The following FLOT2 variants were observed in gnomAD, a reference collection of about 807,000 sequenced individuals.
The protein encoded by FLOT2 is flotillin-2.
Under a neutral mutation model 54.9 loss-of-function variants are expected in FLOT2, and 35 were observed. The ratio of observed to expected loss-of-function variants is 0.64; its 90% confidence interval spans 0.49 to 0.84. FLOT2 has a LOEUF of 0.84. FLOT2 is among the 40% of genes least tolerant of loss of function. FLOT2 has a pLI of 0.00. For missense variants in FLOT2, 464 were observed against 572.1 expected (o/e 0.81, Z 1.93); for synonymous variants, 207 against 228.9 (o/e 0.90, Z 0.86).
chr17:28,881,879 G>C lies in FLOT2; in HGVS notation c.849C>G (p.Ile283Met). 1 of 1,613,672 alleles carries C rather than the reference G, an allele frequency of 6.2e-7. No individual in the cohort carries two copies. Among genetic ancestry groups the C allele is most frequent in the Non-Finnish European group, 8.5e-7 (1 of 1,180,042 alleles). The change falls in exon 8 of 11, where the codon ATC becomes ATG. Residue 283 changes from isoleucine to methionine, a missense_variant. Coordinates refer to ENST00000394908, the MANE Select transcript of FLOT2 (RefSeq NM_004475.3). ...QEILRTDKEL[I>M]ATVRRPAEAE... ...CCTCGGCAGGCCGGCGCACTGTAGC[G>C]ATGAGCTCCTTGTCCGTACGCAGGA...
intron 2 of FLOT2, among the ~76,000 whole-genome samples, chr17:28,887,356 T>C (rs1024869070): frequency 1.3e-5 from 2 of 152,146 alleles, no homozygotes; most frequent in African/African-American, 4.8e-5. Flanking sequence ...CCAAGCAGGC[T>C]AGGGACTAGG....
intron 8 of FLOT2, 135 bp downstream of exon 8, chr17:28,881,679 C>T: frequency 4.9e-6 from 4 of 809,570 alleles, no homozygotes. Context: ...GGGTTATCCT[C>T]ACTTCACAGT....
intron 1 of FLOT2, among the ~76,000 whole-genome samples, chr17:28,889,277 T>C (rs909974635): frequency 6.6e-6 from 1 of 151,964 alleles, no homozygotes; most frequent in Non-Finnish European, 1.5e-5. Context: ...AGAATGTAAG[T>C]GCTTCCAGAG....
At chr17:28,893,532 C>T (rs2039688896) in intron 1 of FLOT2, among the ~76,000 whole-genome samples, 1 of 152,070 alleles carries the variant, frequency 6.6e-6, no homozygotes. Flanking sequence ...CAGCCTCAGC[C>T]TTCCATACAT....
At position 28,882,499 on chromosome 17, in the gene FLOT2, C is replaced by T; in HGVS notation, c.466-49G>A. On this transcript the variant is annotated intron_variant, in intron 5 of 10. Transcript: ENST00000394908. This position sits in a 1 kb window ranked among gnomAD's most constrained non-coding sequence, Gnocchi z 5.6. ...AGGCTCAAAGGAGCAGCCAGAGGCACAAAGGTGCCCCTCTAACAAAGCCAC... is the reference window on the plus strand; with the variant it reads ...AGGCTCAAAGGAGCAGCCAGAGGCATAAAGGTGCCCCTCTAACAAAGCCAC... 6.3e-7 allele frequency: 1 copy of T among 1,594,584 alleles called. No homozygotes were observed. The highest frequency in any genetic ancestry group is 8.6e-7 in the Non-Finnish European group (1 of 1,162,394).
Position 28,882,653 on chromosome 17 carries a change from G to T in FLOT2, c.385C>A (p.Gln129Lys). Residue 129 changes from glutamine (Q) to lysine (K), a missense_variant, in exon 5 of 11, where the codon CAG becomes AAG. By Grantham distance (53) the Gln-to-Lys change is moderately conservative. Coordinates refer to ENST00000394908, the MANE Select transcript of FLOT2 (RefSeq NM_004475.3). This position sits in a 1 kb window ranked among gnomAD's most constrained non-coding sequence, Gnocchi z 5.6. ...TVEQIYQDRDQFAKLVREVAA... is the reference protein window; with the variant it reads ...TVEQIYQDRDKFAKLVREVAA... ...ACCTCCCGCACCAGCTTGGCAAACT[G>T]GTCCCGGTCCTGATAAATCTGCTCC... The T allele has an allele frequency of 1.9e-6, 3 of 1,613,676 alleles. No individual in the cohort carries two copies. Among genetic ancestry groups the T allele is most frequent in the Non-Finnish European group, 2.5e-6 (3 of 1,179,870 alleles).
At chr17:28,888,796 TC>T (rs1351261213) in intron 2 of FLOT2, 148 bp downstream of exon 2, 11 of 428,306 alleles carry the variant, frequency 2.6e-5, no homozygotes, top group South Asian at 5.8e-5. Flanking sequence ...TCTTAGGAAG[TC>T]CCCCCCAACC....
In FLOT2 at chr17:28,882,027, G is replaced by A. The variant is rs1398212494; in HGVS notation, c.701C>T (p.Thr234Ile). The A allele has an allele frequency of 1.2e-6, 2 of 1,614,174 alleles. No homozygotes were observed. Among genetic ancestry groups the A allele is most frequent in the Admixed American group, 1.7e-5 (1 of 60,036 alleles). Residue 234 changes from threonine (T) to isoleucine (I), a missense_variant and splice_region_variant, in exon 8 of 11, where the codon ACA becomes ATA. Thr to Ile is a moderately conservative substitution (Grantham distance 89). Transcript: ENST00000394908. The surrounding 1 kb of genome is among the most constrained non-coding windows in gnomAD (Gnocchi z 5.6). The stretch of plus-strand genomic sequence containing the variant: ...CTCATAGGCCAACTGGGCCTCAGCT[G>A]TCTGTGGCAAGAGGGTGTGTGGCAC... ...SAFSEEVNIK[T>I]AEAQLAYELQ... is the part of the protein sequence containing the mutation.
chr17:28,896,480 G>A, intron 1 of FLOT2, among the ~76,000 whole-genome samples: 1 of 152,106 alleles, frequency 6.6e-6, no homozygotes, highest in East Asian at 1.9e-4. Flanking sequence ...AGGGGGGTAG[G>A]GTACTTATCT....
chr17:28,889,060 G>A (rs752165664), intron 1 of FLOT2, 34 bp from the exon 2 acceptor site: 18 of 1,590,790 alleles, frequency 1.1e-5, no homozygotes, highest in African/African-American at 4.0e-5. Flanking sequence ...CAAGTCAGTC[G>A]GTTCTTGGGT....
At chr17:28,895,160 G>T (rs1457657135) in intron 1 of FLOT2, among the ~76,000 whole-genome samples, 2 of 151,552 alleles carry the variant, frequency 1.3e-5, no homozygotes, top group South Asian at 4.2e-4. Flanking sequence ...TGATCCATCT[G>T]CCTCAGCCTC....
chr17:28,885,260 G>A (rs1301082267), intron 2 of FLOT2, among the ~76,000 whole-genome samples: 1 of 152,212 alleles, frequency 6.6e-6, no homozygotes, highest in Non-Finnish European at 1.5e-5. Flanking sequence ...AGAGATGGCA[G>A]GATGGGTGAA....
chr17:28,895,526 G>C (rs1774637378), intron 1 of FLOT2, among the ~76,000 whole-genome samples: 2 of 152,032 alleles, frequency 1.3e-5, no homozygotes, highest in Admixed American at 1.3e-4. Context: ...GCCTCCCAAA[G>C]TGCTGGAATT....
chr17:28,879,854 G>A lies in FLOT2; in HGVS notation c.*707C>T. 1 of 986,058 alleles carries A rather than the reference G, an allele frequency of 1.0e-6. No individual in the cohort carries two copies. 61.1% of individuals were successfully genotyped at this position (986,058 alleles called of 1,614,324 possible). On this transcript the variant is annotated 3_prime_UTR_variant, in exon 11 of 11. Coordinates refer to ENST00000394908, the MANE Select transcript of FLOT2 (RefSeq NM_004475.3). ...ATGAAGAGGCCTTCCCTGAGCACAA[G>A]CAGGGGCCTCCTAAGGCAGTAGGAA...
intron 9 of FLOT2, 150 bp from the exon 10 acceptor site, chr17:28,881,012 GGGCCAGGGA>G: frequency 8.5e-7 from 1 of 1,173,348 alleles, no homozygotes; most frequent in South Asian, 1.4e-5. Flanking sequence ...GACGCCCTGT[GGGCCAGGGA>G]TGGCTTAGGC....
chr17:28,891,717 A>G (rs1237228778), intron 1 of FLOT2, among the ~76,000 whole-genome samples: 1 of 152,178 alleles, frequency 6.6e-6, no homozygotes. Context: ...TCCTGTCCAC[A>G]TTGGACAGTG....
At chr17:28,892,881 C>T (rs2039678249) in intron 1 of FLOT2, 3 of 152,192 alleles carry the variant, frequency 2.0e-5, no homozygotes, top group Admixed American at 2.0e-4. Flanking sequence ...GAACTCCTGA[C>T]CTCAGGTGAT....
rs966943913 is a variant in FLOT2 at position 28,897,171 on chromosome 17, C to T, written c.49+355G>A. On this transcript the variant is annotated intron_variant, in intron 1 of 10. Coordinates refer to ENST00000394908, the MANE Select transcript of FLOT2 (RefSeq NM_004475.3). The surrounding 1 kb of genome is among the most constrained non-coding windows in gnomAD (Gnocchi z 4.4). ...CCCGGGCGCTGGAATCCAGCCAAAC[C>T]TCTGCGTTCCCGGAACCACCAGTTC... is the stretch of plus-strand genomic sequence containing the variant. Among the ~76,000 whole-genome samples, 1 of 152,264 alleles carries T rather than the reference C, an allele frequency of 6.6e-6. No individual in the cohort carries two copies. Among genetic ancestry groups the T allele is most frequent in the African/African-American group, 2.4e-5 (1 of 41,474 alleles).
At chr17:28,888,464 G>A (rs2039584971) in intron 2 of FLOT2, among the ~76,000 whole-genome samples, 1 of 152,144 alleles carries the variant, frequency 6.6e-6, no homozygotes, top group Non-Finnish European at 1.5e-5. Context: ...AACCACTTTT[G>A]ACTATATGTC....
Sources: allele counts gnomAD v4.1 joint callset (sites outside exome capture counted in the v4.1 genomes callset), GRCh38; gene constraint gnomAD v4.1.1; non-coding constraint Gnocchi (gnomAD v3.1); transcripts MANE v1.5; gene names NCBI Gene and HGNC (gene_info 2026-07-23, HGNC 2026-07-21).